The following GUCY2F variants were observed in gnomAD, a reference collection of about 807,000 sequenced individuals.
The protein encoded by GUCY2F is guanylate cyclase 2F, retinal.
Under a neutral mutation model 73.1 loss-of-function variants are expected in GUCY2F, and 61 were observed. The observed-to-expected ratio is 0.83, with a 90% CI of 0.68 to 1.03. The LOEUF is 1.03. GUCY2F is among the 50% of genes least tolerant of loss of function. GUCY2F has a pLI of 0.00. For synonymous variants in GUCY2F, 331 were observed against 307.8 expected, an observed-to-expected ratio of 1.08 and a Z score of -0.79; for missense variants, 912 against 854.3, an observed-to-expected ratio of 1.07 and a Z score of -0.84.
chrX:109,438,672 C>T (rs1361258989), intron 7 of GUCY2F, among the ~76,000 whole-genome samples: 4 of 113,027 alleles, frequency 3.5e-5, no homozygotes, highest in Non-Finnish European at 5.6e-5. Context: ...ACCTTCATGG[C>T]TTAGCTGGGT....
chrX:109,468,893 T>C (rs1175216027), intron 2 of GUCY2F, among the ~76,000 whole-genome samples: 2 of 112,162 alleles, frequency 1.8e-5, no homozygotes, highest in Non-Finnish European at 3.8e-5. Context: ...GATACATCTG[T>C]TCTACAAGAT....
At chrX:109,444,136 A>G (rs966564328) in intron 6 of GUCY2F, among the ~76,000 whole-genome samples, 10 of 112,054 alleles carry the variant, frequency 8.9e-5, no homozygotes, top group Admixed American at 2.8e-4. Flanking sequence ...TTATGTCACA[A>G]GGGTGGAATG....
chrX:109,474,301 G>A (rs1396474725), intron 2 of GUCY2F, among the ~76,000 whole-genome samples: 1 of 111,861 alleles, frequency 8.9e-6, no homozygotes, highest in African/African-American at 3.3e-5. Context: ...GTGGGGGAAT[G>A]AGCAGCGTTC....
intron 8 of GUCY2F, among the ~76,000 whole-genome samples, chrX:109,425,762 T>C (rs1276032194): frequency 9.0e-6 from 1 of 110,905 alleles, no homozygotes; most frequent in Non-Finnish European, 1.9e-5. Context: ...AACTTATTCA[T>C]GTAACCAAAT....
At chrX:109,381,845 T>C (rs1261053913) in intron 17 of GUCY2F, among the ~76,000 whole-genome samples, 3 of 112,888 alleles carry the variant, frequency 2.7e-5, no homozygotes, top group African/African-American at 9.7e-5. Flanking sequence ...AGCCAAATTC[T>C]GTGCAGTTCT....
intron 17 of GUCY2F, among the ~76,000 whole-genome samples, chrX:109,376,431 G>A (rs1033573709): frequency 7.1e-5 from 8 of 112,189 alleles, no homozygotes; most frequent in African/African-American, 2.6e-4. Flanking sequence ...ATGCTCAGTT[G>A]AAGATTTTGC....
At position 109,391,949 on chromosome X, in the gene GUCY2F, G is replaced by C. The variant is rs1216879177; in HGVS notation, c.2743C>G (p.Leu915Val). The C allele has an allele frequency of 1.6e-5, 19 of 1,205,582 alleles. No individual in the cohort carries two copies. The highest frequency in any genetic ancestry group is 2.1e-5 in the Non-Finnish European group (19 of 891,326). The change falls in exon 14 of 20, where the codon CTC becomes GTC. Residue 915 changes from leucine to valine, a missense_variant. Physicochemically the swap from Leu to Val is conservative, Grantham distance 32. Transcript: ENST00000218006. ...TGACTGCCAATTATTGCATCAAAGA[G>C]TGTGTACAGGTCATTCAGAAGATCC... Reference protein sequence around the residue: ...VVDLLNDLYTLFDAIIGSHDV... With the variant: ...VVDLLNDLYTVFDAIIGSHDV...
chrX:109,435,482 C>G (rs1396722190), intron 7 of GUCY2F, among the ~76,000 whole-genome samples: 2 of 110,074 alleles, frequency 1.8e-5, no homozygotes, highest in Non-Finnish European at 3.8e-5. Flanking sequence ...GATTTTGTAT[C>G]CTGAGACTTT....
Position 109,385,205 on chromosome X carries a change from G to T in GUCY2F, c.3034C>A (p.Arg1012=). The change falls in exon 16 of 20, where the codon CGG becomes AGG. Residue 1012 remains arginine (R), a synonymous_variant. Coordinates refer to ENST00000218006, the MANE Select transcript of GUCY2F (RefSeq NM_001522.3). ...LFGDTVNTAS[R]MESTGLPYRI... ...TCACGTAAGCCTGTAGATTCCATCC[G>T]AGAAGCTGTGTTCACAGTGTCTCCA... 6 of 1,175,722 alleles carry T rather than the reference G, an allele frequency of 5.1e-6. No individual in the cohort carries two copies. Among genetic ancestry groups the T allele is most frequent in the Non-Finnish European group, 6.9e-6 (6 of 864,492 alleles).
intron 3 of GUCY2F, among the ~76,000 whole-genome samples, chrX:109,462,317 A>G (rs1330950467): frequency 8.8e-6 from 1 of 113,235 alleles, no homozygotes. Flanking sequence ...AGTTTCTGCT[A>G]TACTGGCTGC....
intron 12 of GUCY2F, among the ~76,000 whole-genome samples, chrX:109,394,317 C>A (rs1228514755): frequency 8.9e-6 from 1 of 112,147 alleles, no homozygotes; most frequent in East Asian, 2.8e-4. Flanking sequence ...TCTCCTGCCT[C>A]ATGGTAAGGT....
rs142768666 is a variant in GUCY2F at position 109,398,801 on chromosome X, T to C, written c.2126-103A>G. The C allele has an allele frequency of 4.3e-6, 3 of 703,742 alleles. No individual in the cohort carries two copies. In the African/African-American group the frequency reaches 6.4e-5, roughly 15 times the overall value. 58.0% of individuals were successfully genotyped at this position (703,742 alleles called of 1,213,427 possible). A position where few individuals can be genotyped will look rare whatever the true frequency, so the allele number is the denominator to read the frequency against. Reference sequence around the variant, plus strand: ...GTACTGTTTTATTGACTGCCTTATATTTTTATTAGACAGACTGCCATGCTA... The same window carrying C: ...GTACTGTTTTATTGACTGCCTTATACTTTTATTAGACAGACTGCCATGCTA... On this transcript the variant is annotated intron_variant, in intron 10 of 19. Transcript: ENST00000218006.
intron 11 of GUCY2F, among the ~76,000 whole-genome samples, chrX:109,396,316 C>A (rs1041897051): frequency 5.5e-5 from 6 of 108,718 alleles, no homozygotes; most frequent in African/African-American, 2.1e-4. Flanking sequence ...GTCAGACTGA[C>A]CTTTTTACAA....
At chrX:109,451,876 T>A in intron 5 of GUCY2F, 147 bp downstream of exon 5, 1 of 447,761 alleles carries the variant, frequency 2.2e-6, no homozygotes, top group Non-Finnish European at 4.0e-6. Context: ...ATGGGGCCTG[T>A]AGGAATGGTA....
intron 6 of GUCY2F, among the ~76,000 whole-genome samples, chrX:109,447,592 A>C (rs1932045698): frequency 2.4e-5 from 2 of 83,071 alleles, no homozygotes; most frequent in African/African-American, 9.7e-5. Context: ...ACTTGGACAC[A>C]GGGTGGGGAA....
At chrX:109,480,791 ACT>A (rs1374947046) in intron 1 of GUCY2F, among the ~76,000 whole-genome samples, 1 of 109,565 alleles carries the variant, frequency 9.1e-6, no homozygotes, top group African/African-American at 3.3e-5. Context: ...GATATTTCTA[ACT>A]CTGTTAGGAC....
At chrX:109,392,178 C>A in intron 13 of GUCY2F, 75 bp from the exon 14 acceptor site, 1 of 673,046 alleles carries the variant, frequency 1.5e-6, no homozygotes, top group Non-Finnish European at 2.2e-6. Context: ...TAAAAATACA[C>A]CAAATAAACC....
chrX:109,476,478 G>C (rs1410555285), intron 1 of GUCY2F, among the ~76,000 whole-genome samples: 1 of 111,434 alleles, frequency 9.0e-6, no homozygotes, highest in Non-Finnish European at 1.9e-5. Flanking sequence ...GAGAGAAATA[G>C]ATGTAAACAG....
chrX:109,451,936 T>C (rs879122726), intron 5 of GUCY2F, 87 bp downstream of exon 5: 1 of 563,686 alleles, frequency 1.8e-6, no homozygotes, highest in South Asian at 2.7e-5. Flanking sequence ...GAGGCAATTG[T>C]ACCGAAACAG....
Sources: gnomAD v4.1 joint callset for allele counts (sites outside exome capture counted in the v4.1 genomes callset) on GRCh38, gnomAD v4.1.1 for gene constraint, MANE v1.5 for transcripts, NCBI Gene and HGNC (gene_info 2026-07-23, HGNC 2026-07-21) for gene names.